Variants in SCEL observed in about 807,000 individuals in gnomAD.
SCEL encodes sciellin.
In SCEL, 113 loss-of-function variants were observed where a neutral mutation model predicts 117.6. That is an observed-to-expected ratio of 0.96 (90% CI 0.83 to 1.12). SCEL has a LOEUF of 1.12. SCEL is among the 50% of genes most tolerant of loss of function. The probability of loss-of-function intolerance (pLI) is 0.00; values close to 1 mark genes in which losing one functional copy is unlikely to be tolerated. For missense variants in SCEL, 785 were observed against 810.8 expected (o/e 0.97, Z 0.39); for synonymous variants, 270 against 256.2 (o/e 1.05, Z -0.51).
Position 77,589,123 on chromosome 13 carries a change from C to T in SCEL, c.546-21C>T, listed in dbSNP as rs758202312. On this transcript the variant is annotated intron_variant, in intron 9 of 32. Transcript: ENST00000349847. Reference sequence around the variant, plus strand: ...TACCATGTTTCCATGGTGAAATGAACTGCTGTTTTCTGTTTTAAAGGGAAC... The same window carrying T: ...TACCATGTTTCCATGGTGAAATGAATTGCTGTTTTCTGTTTTAAAGGGAAC... 3.2e-6 allele frequency: 5 copies of T among 1,561,488 alleles called. No homozygotes were observed. The African/African-American group carries it at 6.8e-5, about 21-fold the overall frequency.
intron 27 of SCEL, 117 bp downstream of exon 27, chr13:77,618,177 C>T: frequency 3.8e-6 from 3 of 797,502 alleles, no homozygotes; most frequent in Non-Finnish European, 6.5e-6. Context: ...TCCCTTCCTC[C>T]CTTTTTTCTT....
chr13:77,595,112 T>G (rs979868076), intron 12 of SCEL, among the ~76,000 whole-genome samples: 1 of 152,216 alleles, frequency 6.6e-6, no homozygotes, highest in African/African-American at 2.4e-5. Context: ...AGGGAAATTA[T>G]GGTTTGGTGT....
intron 10 of SCEL, among the ~76,000 whole-genome samples, chr13:77,590,882 G>T (rs1211488820): frequency 2.0e-5 from 3 of 152,012 alleles, no homozygotes; most frequent in Admixed American, 2.0e-4. Context: ...CTTAAATTGT[G>T]CCAGAACCTA....
chr13:77,567,112 G>A (rs1166747634), intron 5 of SCEL, among the ~76,000 whole-genome samples: 1 of 152,096 alleles, frequency 6.6e-6, no homozygotes, highest in Non-Finnish European at 1.5e-5. Flanking sequence ...TGAAAATAGA[G>A]TTAAATGCTC....
intron 11 of SCEL, 125 bp from the exon 12 acceptor site, chr13:77,593,389 A>G (rs2087032227): frequency 1.6e-6 from 1 of 643,640 alleles, no homozygotes; most frequent in East Asian, 2.9e-5. Flanking sequence ...ATTCTGTTAA[A>G]CTCAGTAATT....
At chr13:77,591,507 G>C (rs775599268) in intron 11 of SCEL, 47 bp downstream of exon 11, 3 of 1,086,628 alleles carry the variant, frequency 2.8e-6, no homozygotes, top group Non-Finnish European at 4.2e-6. Context: ...TAATGATAAA[G>C]TATGCTTTCT....
intron 1 of SCEL, among the ~76,000 whole-genome samples, chr13:77,554,736 G>A (rs550046592): frequency 6.6e-6 from 1 of 152,318 alleles, no homozygotes; most frequent in African/African-American, 2.4e-5. Context: ...GGGAGGTTAA[G>A]TGGTTCATTC....
intron 1 of SCEL, among the ~76,000 whole-genome samples, chr13:77,542,858 C>T (rs948632186): frequency 3.3e-5 from 5 of 152,132 alleles, no homozygotes; most frequent in Admixed American, 6.5e-5. Context: ...TCTTATTCTT[C>T]TACTGAAAAT....
intron 27 of SCEL, among the ~76,000 whole-genome samples, chr13:77,624,192 C>T (rs185255865): frequency 6.6e-6 from 1 of 150,546 alleles, no homozygotes; most frequent in African/African-American, 2.5e-5. Flanking sequence ...GCAGCCTCCT[C>T]CTCCCCCAGT....
At chr13:77,596,259 G>C (rs1320800880) in intron 12 of SCEL, among the ~76,000 whole-genome samples, 1 of 152,016 alleles carries the variant, frequency 6.6e-6, no homozygotes, top group South Asian at 2.1e-4. Flanking sequence ...CTTGAACCTG[G>C]GAGGCGGAGG....
At chr13:77,590,084 C>T (rs995504235) in intron 10 of SCEL, among the ~76,000 whole-genome samples, 5 of 152,056 alleles carry the variant, frequency 3.3e-5, no homozygotes, top group South Asian at 2.1e-4. Flanking sequence ...TTTGACACCA[C>T]GTAAGACACA....
chr13:77,538,499 T>C (rs962576896), intron 1 of SCEL, among the ~76,000 whole-genome samples: 1 of 152,160 alleles, frequency 6.6e-6, no homozygotes, highest in Non-Finnish European at 1.5e-5. Context: ...TTTTTTTCCA[T>C]GAACTTGTGA....
chr13:77,634,481 T>G, intron 29 of SCEL, 31 bp downstream of exon 29: 1 of 1,482,986 alleles, frequency 6.7e-7, no homozygotes, highest in Non-Finnish European at 9.4e-7. Context: ...ATATATTGCT[T>G]CATTTTATAA....
intron 1 of SCEL, among the ~76,000 whole-genome samples, chr13:77,553,130 A>G (rs538338210): frequency 6.6e-6 from 1 of 152,322 alleles, no homozygotes; most frequent in East Asian, 1.9e-4. Flanking sequence ...TGGAAACTTC[A>G]ACATACGAAT....
intron 9 of SCEL, among the ~76,000 whole-genome samples, chr13:77,575,264 T>A (rs931767477): frequency 2.6e-5 from 4 of 152,116 alleles, no homozygotes; most frequent in Middle Eastern, 3.2e-3. Context: ...TTTTTTTTTT[T>A]ATCAACAGAA....
intron 15 of SCEL, among the ~76,000 whole-genome samples, chr13:77,600,797 G>A (rs982544711): frequency 6.6e-6 from 1 of 152,158 alleles, no homozygotes; most frequent in African/African-American, 2.4e-5. Context: ...CAGATTGGCT[G>A]TTTACTTTGT....
At chr13:77,608,984 A>G in intron 20 of SCEL, 74 bp from the exon 21 acceptor site, 4 of 1,182,956 alleles carry the variant, frequency 3.4e-6, no homozygotes, top group South Asian at 2.8e-5. Flanking sequence ...GAGTACATGT[A>G]TCCTTTAAAT....
intron 9 of SCEL, among the ~76,000 whole-genome samples, chr13:77,573,598 AC>A (rs60156540): frequency 0.1 from 15,571 of 152,062 alleles, 1,311 homozygotes; most frequent in East Asian, 0.44. Context: ...TGGTCAATAG[AC>A]ACAAAGAGCT....
At chr13:77,628,360 AC>A (rs1383962631) in intron 28 of SCEL, among the ~76,000 whole-genome samples, 1 of 152,002 alleles carries the variant, frequency 6.6e-6, no homozygotes, top group Non-Finnish European at 1.5e-5. Flanking sequence ...ATTTTTACTT[AC>A]TGTTGCTTGG....
Sources: gnomAD v4.1 joint callset for allele counts (sites outside exome capture counted in the v4.1 genomes callset) on GRCh38, gnomAD v4.1.1 for gene constraint, MANE v1.5 for transcripts, NCBI Gene and HGNC (gene_info 2026-07-23, HGNC 2026-07-21) for gene names.